The following CRY1 variants were observed in gnomAD, a reference collection of about 807,000 sequenced individuals.
CRY1 encodes the protein cryptochrome-1.
Under a neutral mutation model 76.0 loss-of-function variants are expected in CRY1, and 45 were observed. The observed-to-expected ratio is 0.59, with a 90% CI of 0.47 to 0.76. CRY1 has a LOEUF of 0.76. Ranked by LOEUF, CRY1 falls within the 30% of genes least tolerant of loss-of-function variation. CRY1 has a pLI of 0.00. For synonymous variants in CRY1, 248 were observed against 244.0 expected, an observed-to-expected ratio of 1.02 and a Z score of -0.15; for missense variants, 587 against 716.4, an observed-to-expected ratio of 0.82 and a Z score of 2.06.
Position 106,999,556 on chromosome 12 carries a change from T to A in CRY1, c.1132A>T (p.Met378Leu). 1 of 1,610,436 alleles carries A rather than the reference T, an allele frequency of 6.2e-7. No homozygotes were observed. The highest frequency in any genetic ancestry group is 1.3e-5 in the African/African-American group (1 of 74,900). Reference sequence around the variant, plus strand: ...ATATCAGTTAGAACACTTACCTTCATTCCTTCTTCCCAACTAATCCACAGG... The same window carrying A: ...ATATCAGTTAGAACACTTACCTTCAATCCTTCTTCCCAACTAATCCACAGG... Reference protein sequence around the residue: ...GDLWISWEEGMKVFEELLLDA... With the variant: ...GDLWISWEEGLKVFEELLLDA... Residue 378 changes from methionine (M) to leucine (L), a missense_variant, in exon 7 of 13, where the codon ATG becomes TTG. Coordinates refer to ENST00000008527, the MANE Select transcript of CRY1 (RefSeq NM_004075.5).
At chr12:107,033,813 G>A (rs1008139846) in intron 1 of CRY1, among the ~76,000 whole-genome samples, 6 of 149,184 alleles carry the variant, frequency 4.0e-5, no homozygotes, top group Non-Finnish European at 7.4e-5. Context: ...CTTTAAGATC[G>A]GAAAGAAGAC....
intron 1 of CRY1, among the ~76,000 whole-genome samples, chr12:107,090,192 C>T (rs1224272314): frequency 2.0e-5 from 3 of 151,784 alleles, no homozygotes; most frequent in African/African-American, 7.3e-5. Context: ...TGGGTTCAAT[C>T]GATTCTCCTG....
intron 1 of CRY1, among the ~76,000 whole-genome samples, chr12:107,058,141 C>T (rs1242663301): frequency 2.0e-5 from 3 of 152,066 alleles, no homozygotes; most frequent in African/African-American, 4.8e-5. Flanking sequence ...GAATATAACT[C>T]CTTTTAAAAT....
intron 1 of CRY1, among the ~76,000 whole-genome samples, chr12:107,057,003 T>A (rs1434157627): frequency 6.6e-6 from 1 of 152,124 alleles, no homozygotes; most frequent in East Asian, 1.9e-4. Context: ...AAATGATATA[T>A]TTTAGGCAGA....
chr12:107,059,756 C>T (rs1018752386), intron 1 of CRY1, among the ~76,000 whole-genome samples: 1 of 151,204 alleles, frequency 6.6e-6, no homozygotes, highest in Admixed American at 6.6e-5. Flanking sequence ...CAACTGAACA[C>T]TGGGTTGAAA....
intron 1 of CRY1, among the ~76,000 whole-genome samples, chr12:107,046,136 A>C (rs537439670): frequency 5.3e-4 from 81 of 151,680 alleles, no homozygotes; most frequent in African/African-American, 1.9e-3. Context: ...AAAAAAAAAA[A>C]AAAAAAATTA....
At chr12:107,014,379 G>C (rs10746073) in intron 2 of CRY1, among the ~76,000 whole-genome samples, 82,980 of 151,904 alleles carry the variant, frequency 0.55, 23,049 homozygotes, top group East Asian at 0.73. Flanking sequence ...CTGATCCTCC[G>C]GCATACTCAT....
chr12:107,007,273 A>G (rs1952385929), intron 2 of CRY1, among the ~76,000 whole-genome samples: 1 of 152,170 alleles, frequency 6.6e-6, no homozygotes, highest in South Asian at 2.1e-4. Flanking sequence ...AAGTTCAAAG[A>G]CTGGCTCAAC....
At chr12:107,083,466 T>C (rs967101908) in intron 1 of CRY1, among the ~76,000 whole-genome samples, 48 of 152,246 alleles carry the variant, frequency 3.2e-4, no homozygotes, top group African/African-American at 1.1e-3. Flanking sequence ...AAACCGAATC[T>C]AGCAGCACAT....
intron 2 of CRY1, among the ~76,000 whole-genome samples, chr12:107,011,603 G>T (rs1168229264): frequency 6.6e-6 from 1 of 152,196 alleles, no homozygotes. Context: ...CTAATCCAGA[G>T]AGAGGCCCTA....
intron 1 of CRY1, among the ~76,000 whole-genome samples, chr12:107,062,922 A>T (rs1326083344): frequency 6.6e-6 from 1 of 152,168 alleles, no homozygotes; most frequent in Non-Finnish European, 1.5e-5. Flanking sequence ...GTTTTTCTCA[A>T]TTTAAAACTT....
intron 1 of CRY1, among the ~76,000 whole-genome samples, chr12:107,066,220 A>C (rs919904365): frequency 1.3e-5 from 2 of 152,236 alleles, no homozygotes; most frequent in Non-Finnish European, 2.9e-5. Context: ...CAGTAAAATC[A>C]TAATTCTAAA....
chr12:107,021,761 G>T (rs1042035132), intron 2 of CRY1, among the ~76,000 whole-genome samples: 2 of 151,632 alleles, frequency 1.3e-5, no homozygotes, highest in African/African-American at 4.8e-5. Context: ...AAAAATTCTT[G>T]TTTATGCAAA....
intron 3 of CRY1, among the ~76,000 whole-genome samples, chr12:107,003,378 T>G (rs1952333811): frequency 6.6e-6 from 1 of 152,208 alleles, no homozygotes. Flanking sequence ...AAATGACAGG[T>G]GAAATCCAAC....
chr12:107,087,440 A>G (rs1953416602), intron 1 of CRY1, among the ~76,000 whole-genome samples: 2 of 152,370 alleles, frequency 1.3e-5, no homozygotes, highest in South Asian at 4.1e-4. Context: ...CACCTCTTGG[A>G]CCAGTGTGCT....
chr12:107,010,619 T>C (rs966506586), intron 2 of CRY1, among the ~76,000 whole-genome samples: 2 of 152,112 alleles, frequency 1.3e-5, no homozygotes, highest in East Asian at 3.9e-4. Flanking sequence ...CTCTTCTCTT[T>C]TTTTTTAAGA....
At position 107,064,046 on chromosome 12, in the gene CRY1, G is replaced by C. The variant is rs927546243; in HGVS notation, c.158+28758C>G. 3.9e-5 allele frequency among the ~76,000 whole-genome samples: 6 copies of C among 151,992 alleles called. No individual in the cohort carries two copies. The South Asian group carries it at 8.3e-4, about 21-fold the overall frequency. ...TGAGAGTATACTTATTTTTTTTTAA[G>C]TTCCCTGAATGGATTGACTCAAAAA... On this transcript the variant is annotated intron_variant, in intron 1 of 12. Coordinates refer to ENST00000008527, the MANE Select transcript of CRY1 (RefSeq NM_004075.5).
At chr12:106,993,738 G>A (rs555615536) in intron 10 of CRY1, among the ~76,000 whole-genome samples, 12 of 152,098 alleles carry the variant, frequency 7.9e-5, no homozygotes, top group African/African-American at 2.9e-4. Flanking sequence ...GCAATCAGTG[G>A]CAGTTGCTCA....
At chr12:107,051,464 A>T (rs1952919891) in intron 1 of CRY1, among the ~76,000 whole-genome samples, 1 of 152,204 alleles carries the variant, frequency 6.6e-6, no homozygotes, top group Non-Finnish European at 1.5e-5. Flanking sequence ...GTTAAAAAAA[A>T]TCAATAAAGC....
Sources: allele counts gnomAD v4.1 joint callset (sites outside exome capture counted in the v4.1 genomes callset), GRCh38; gene constraint gnomAD v4.1.1; transcripts MANE v1.5; gene names NCBI Gene and HGNC (gene_info 2026-07-23, HGNC 2026-07-21).